RALGPS2: variants seen among roughly 807,000 people sequenced by gnomAD.
The protein encoded by RALGPS2 is ras-specific guanine nucleotide-releasing factor RalGPS2.
Under a neutral mutation model 86.8 loss-of-function variants are expected in RALGPS2, and 43 were observed. The observed-to-expected ratio is 0.50, with a 90% CI of 0.39 to 0.64. The LOEUF is 0.64. Among genes scored for constraint, RALGPS2 ranks in the 30% least tolerant of loss-of-function variants. RALGPS2 has a pLI of 0.00. For synonymous variants in RALGPS2, 243 were observed against 231.3 expected (o/e 1.05, Z -0.46); for missense variants, 536 against 694.6 (o/e 0.77, Z 2.57).
chr1:178,744,685 C>T (rs1321939010), intron 1 of RALGPS2, among the ~76,000 whole-genome samples: 1 of 151,838 alleles, frequency 6.6e-6, no homozygotes, highest in Admixed American at 6.6e-5. Context: ...GGCATGGTGG[C>T]AGCTGCCTGT....
Position 178,833,416 on chromosome 1 carries a change from T to C in RALGPS2, c.481-8T>C. On this transcript the variant is annotated splice_polypyrimidine_tract_variant and splice_region_variant and intron_variant, in intron 7 of 19. Transcript: ENST00000367635. ...TAAATAACTTAGGTTTTTCTGTTTG[T>C]TTTTTAGTTATTAAGTCGAAAAGAC... 6.7e-7 allele frequency: 1 copy of C among 1,503,572 alleles called. No homozygotes were observed. The highest frequency in any genetic ancestry group is 8.8e-7 in the Non-Finnish European group (1 of 1,139,384). 93.1% of individuals were successfully genotyped at this position (1,503,572 alleles called of 1,614,324 possible). A position where few individuals can be genotyped will look rare whatever the true frequency, so the allele number is the denominator to read the frequency against.
intron 7 of RALGPS2, among the ~76,000 whole-genome samples, chr1:178,831,653 G>A (rs1014243973): frequency 2.7e-5 from 4 of 148,226 alleles, no homozygotes; most frequent in African/African-American, 1.0e-4. Context: ...GCGGTTTTTG[G>A]AGGGGAAAAT....
intron 1 of RALGPS2, among the ~76,000 whole-genome samples, chr1:178,726,716 A>G (rs1650033026): frequency 6.6e-6 from 1 of 151,990 alleles, no homozygotes; most frequent in Non-Finnish European, 1.5e-5. Flanking sequence ...TCATGAGTTG[A>G]CTTGGGTATT....
intron 16 of RALGPS2, 101 bp from the exon 17 acceptor site, chr1:178,897,563 T>A: frequency 1.1e-6 from 1 of 918,038 alleles, no homozygotes; most frequent in Non-Finnish European, 1.8e-6. Flanking sequence ...GTTAGGACTT[T>A]GGTTGAAGTG....
intron 4 of RALGPS2, among the ~76,000 whole-genome samples, chr1:178,794,017 TATTA>T (rs1654075743): frequency 6.6e-6 from 1 of 152,230 alleles, no homozygotes; most frequent in African/African-American, 2.4e-5. Flanking sequence ...GCTCAGCACT[TATTA>T]AAGTTTTCCC....
intron 5 of RALGPS2, among the ~76,000 whole-genome samples, chr1:178,809,689 G>C (rs988905905): frequency 6.6e-6 from 1 of 151,920 alleles, no homozygotes; most frequent in Non-Finnish European, 1.5e-5. Flanking sequence ...GTCATTTGGG[G>C]AGCACGTACA....
intron 18 of RALGPS2, among the ~76,000 whole-genome samples, chr1:178,902,563 A>G (rs963332242): frequency 4.6e-5 from 7 of 152,068 alleles, no homozygotes; most frequent in Admixed American, 1.3e-4. Flanking sequence ...TGTTACTTCA[A>G]ATTTTTAGAG....
chr1:178,808,020 TTTAATTTTCACC>T lies in RALGPS2; in HGVS notation c.214-15_214-4del. The T allele has an allele frequency of 2.0e-6, 3 of 1,494,118 alleles. No individual in the cohort carries two copies. The highest frequency in any genetic ancestry group is 2.8e-6 in the Non-Finnish European group (3 of 1,072,616). The allele number at this position is 1,494,118 out of a possible 1,614,324, so 92.6% of individuals were successfully genotyped here. Reference sequence around the variant, plus strand: ...GAAAAAAACTAGGCTATTACTTAAATTTAATTTTCACCTTAATTTTCCAGGAGCTTTCAAGTT... The same window carrying T: ...GAAAAAAACTAGGCTATTACTTAAATTTAATTTTCCAGGAGCTTTCAAGTT... On this transcript the variant is annotated splice_polypyrimidine_tract_variant and intron_variant, in intron 4 of 19. Transcript: ENST00000367635.
At chr1:178,735,945 AGAGTT>A (rs1186666469) in intron 1 of RALGPS2, among the ~76,000 whole-genome samples, 1 of 152,098 alleles carries the variant, frequency 6.6e-6, no homozygotes, top group Non-Finnish European at 1.5e-5. Flanking sequence ...TAACAGTGAT[AGAGTT>A]AACATCTTTT....
intron 13 of RALGPS2, among the ~76,000 whole-genome samples, chr1:178,889,410 A>G: frequency 6.6e-6 from 1 of 152,078 alleles, no homozygotes; most frequent in East Asian, 1.9e-4. Flanking sequence ...GCAAGCAAAA[A>G]TGTTTTATGC....
chr1:178,859,831 C>CCA (rs1421890795), intron 8 of RALGPS2, among the ~76,000 whole-genome samples: 1 of 100,560 alleles, frequency 9.9e-6, no homozygotes, highest in African/African-American at 3.6e-5. Flanking sequence ...CCCCCCCCCC[C>CCA]CCAACCGCCC....
intron 1 of RALGPS2, among the ~76,000 whole-genome samples, chr1:178,760,088 T>G (rs1197704031): frequency 1.3e-5 from 2 of 152,208 alleles, no homozygotes. Context: ...TTTTGTCTGA[T>G]TGCCCTAGCT....
At chr1:178,861,726 ATAAAT>A (rs1292875991) in intron 8 of RALGPS2, among the ~76,000 whole-genome samples, 1 of 152,248 alleles carries the variant, frequency 6.6e-6, no homozygotes, top group Non-Finnish European at 1.5e-5. Context: ...CAAACTACTG[ATAAAT>A]TATATAAAAG....
intron 1 of RALGPS2, among the ~76,000 whole-genome samples, chr1:178,733,445 C>G (rs1204877276): frequency 6.6e-6 from 1 of 152,166 alleles, no homozygotes; most frequent in African/African-American, 2.4e-5. Context: ...ATGAATTGTT[C>G]AGATGGCCAA....
intron 17 of RALGPS2, among the ~76,000 whole-genome samples, chr1:178,901,238 T>G (rs1265670176): frequency 6.6e-6 from 1 of 152,060 alleles, no homozygotes; most frequent in Non-Finnish European, 1.5e-5. Context: ...CCACCCAGTG[T>G]GAGGAACAGA....
At chr1:178,893,879 A>T in intron 15 of RALGPS2, 40 bp from the exon 16 acceptor site, 1 of 1,325,712 alleles carries the variant, frequency 7.5e-7, no homozygotes, top group Non-Finnish European at 1.1e-6. Context: ...TGACTATTGT[A>T]GACAAAAGCT....
chr1:178,835,151 G>A (rs1656211895), intron 8 of RALGPS2, among the ~76,000 whole-genome samples: 1 of 152,028 alleles, frequency 6.6e-6, no homozygotes, highest in African/African-American at 2.4e-5. Flanking sequence ...GAAGGAATAG[G>A]GAATTTTTCA....
At chr1:178,804,297 T>C (rs971313216) in intron 4 of RALGPS2, among the ~76,000 whole-genome samples, 9 of 149,978 alleles carry the variant, frequency 6.0e-5, no homozygotes, top group Non-Finnish European at 1.2e-4. Flanking sequence ...ATTATTATAC[T>C]TTAAGTTTTA....
At chr1:178,889,483 A>G (rs1260943201) in intron 13 of RALGPS2, among the ~76,000 whole-genome samples, 159 bp from the exon 14 acceptor site, 3 of 152,060 alleles carry the variant, frequency 2.0e-5, no homozygotes, top group African/African-American at 7.2e-5. Context: ...TAAACCTAAC[A>G]GCAGTAATAT....
Sources: allele counts gnomAD v4.1 joint callset (sites outside exome capture counted in the v4.1 genomes callset), GRCh38; gene constraint gnomAD v4.1.1; transcripts MANE v1.5; gene names NCBI Gene and HGNC (gene_info 2026-07-23, HGNC 2026-07-21).